The following COL16A1 variants were observed in gnomAD, a reference collection of about 807,000 sequenced individuals.
The protein encoded by COL16A1 is collagen alpha-1(XVI) chain.
In COL16A1, 189 loss-of-function variants were observed where a neutral mutation model predicts 266.3. The ratio of observed to expected loss-of-function variants is 0.71; its 90% confidence interval spans 0.63 to 0.80. COL16A1 has a LOEUF of 0.80. Ranked by LOEUF, COL16A1 falls within the 30% of genes least tolerant of loss-of-function variation. The probability of loss-of-function intolerance (pLI) is 0.00; values close to 1 mark genes in which losing one functional copy is unlikely to be tolerated. For missense variants in COL16A1, 1,928 were observed against 2,122.4 expected, an observed-to-expected ratio of 0.91 and a Z score of 1.80; for synonymous variants, 740 against 782.3, an observed-to-expected ratio of 0.95 and a Z score of 0.90.
In COL16A1 at chr1:31,664,177, AAGGGGAAGGGG is replaced by A. The variant is rs1641930313; in HGVS notation, c.3555+984_3555+994del. Among the ~76,000 whole-genome samples, 3 of 146,822 alleles carry A rather than the reference AAGGGGAAGGGG, an allele frequency of 2.0e-5. No individual in the cohort carries two copies. On this transcript the variant is annotated intron_variant, in intron 56 of 70. Coordinates refer to ENST00000373672, the MANE Select transcript of COL16A1 (RefSeq NM_001856.4). The surrounding 1 kb of genome is among the most constrained non-coding windows in gnomAD (Gnocchi z 5.5). ...GGGAAGGAAGGGGAAGGGGAAGGGG[AAGGGGAAGGGG>A]AAGGGGAAGGGGGCTAGCAACCACC...
At chr1:31,667,746 G>A (rs1400081514) in intron 51 of COL16A1, 118 bp from the exon 52 acceptor site, 4 of 1,016,524 alleles carry the variant, frequency 3.9e-6, no homozygotes, top group Non-Finnish European at 6.0e-6. Flanking sequence ...AATGGCACTG[G>A]GAGGACCGCT....
chr1:31,652,528 T>C lies in COL16A1; in HGVS notation c.*123A>G, dbSNP rs1640713019. 8.7e-7 allele frequency: 1 copy of C among 1,145,690 alleles called. No individual in the cohort carries two copies. The highest frequency in any genetic ancestry group is 1.2e-6 in the Non-Finnish European group (1 of 865,144). 71.0% of individuals were successfully genotyped at this position (1,145,690 alleles called of 1,614,324 possible). On this transcript the variant is annotated 3_prime_UTR_variant, in exon 71 of 71. Coordinates refer to ENST00000373672, the MANE Select transcript of COL16A1 (RefSeq NM_001856.4). This position sits in a 1 kb window ranked among gnomAD's most constrained non-coding sequence, Gnocchi z 4.8. ...TTTTGTTTCTTTATTATTTAAAAAA[T>C]ATTAACAGCAATTAAAAACAACAAC... is the stretch of plus-strand genomic sequence containing the variant.
At position 31,662,316 on chromosome 1, in the gene COL16A1, C is replaced by T. The variant is rs772093332; in HGVS notation, c.3681+18G>A. 10 of 1,607,050 alleles carry T rather than the reference C, an allele frequency of 6.2e-6. No individual in the cohort carries two copies. In the Admixed American group the frequency reaches 6.7e-5, roughly 11 times the overall value. ...AAGGAGAGGAAGGGGTGCCCGCCCT[C>T]CCAGCCCATCATCTCACCCTCAAGC... On this transcript the variant is annotated intron_variant, in intron 58 of 70. Transcript: ENST00000373672.
rs181187344 is a variant in COL16A1 at position 31,700,047 on chromosome 1, C to T, written c.142G>A (p.Val48Met). 532 of 1,614,110 alleles carry T rather than the reference C, an allele frequency of 3.3e-4. 3 individuals are homozygous for T. Among genetic ancestry groups the T allele is most frequent in the African/African-American group, 2.4e-4 (18 of 75,028 alleles). ...GAGATGGTTGGGTGCTCACCAGTCACGTTGGCTGGCAGGCTACTACTGTGT... is the reference window on the plus strand; with the variant it reads ...GAGATGGTTGGGTGCTCACCAGTCATGTTGGCTGGCAGGCTACTACTGTGT... ...LEHSSSLPAN[V>M]TGFNLIHRLS... Residue 48 changes from valine to methionine, a missense_variant, in exon 3 of 71, where the codon GTG becomes ATG. Physicochemically the swap from Val to Met is conservative, Grantham distance 21. This residue lies in a region of COL16A1 where 1,552 missense variants were observed against 1,637.2 expected (regional missense o/e 0.95). Transcript: ENST00000373672.
At chr1:31,702,530 T>C (rs1344118530) in intron 1 of COL16A1, among the ~76,000 whole-genome samples, 1 of 152,198 alleles carries the variant, frequency 6.6e-6, no homozygotes, top group Non-Finnish European at 1.5e-5. Context: ...AGTGGATACT[T>C]GCTGGATTGG....
chr1:31,692,432 AG>A, intron 16 of COL16A1, 41 bp downstream of exon 16: 1 of 1,591,738 alleles, frequency 6.3e-7, no homozygotes, highest in Non-Finnish European at 8.6e-7. Flanking sequence ...TAGAGCCTGC[AG>A]ACCTCCCTGG....
In COL16A1 at chr1:31,684,927, G is replaced by A. The variant is rs1643897924; in HGVS notation, c.2017-71C>T. On this transcript the variant is annotated intron_variant, in intron 29 of 70. Coordinates refer to ENST00000373672, the MANE Select transcript of COL16A1 (RefSeq NM_001856.4). ...CCCAAAGTGCCCGGCACCACATCAG[G>A]CTGGGGCATACAACAGTAAACAAAC... The A allele has an allele frequency of 2.5e-6, 4 of 1,608,358 alleles. No individual in the cohort carries two copies. In the African/African-American group the frequency reaches 5.3e-5, roughly 21 times the overall value.
intron 48 of COL16A1, among the ~76,000 whole-genome samples, chr1:31,671,205 G>A (rs1357818686): frequency 6.6e-6 from 1 of 152,190 alleles, no homozygotes; most frequent in African/African-American, 2.4e-5. Flanking sequence ...TCTTAGCCCC[G>A]AGCCCTTGTG....
chr1:31,662,314 C>T lies in COL16A1; in HGVS notation c.3681+20G>A, dbSNP rs917208681. 1.2e-6 allele frequency: 2 copies of T among 1,608,030 alleles called. No individual in the cohort carries two copies. Among genetic ancestry groups the T allele is most frequent in the Admixed American group, 1.7e-5 (1 of 59,456 alleles). The stretch of plus-strand genomic sequence containing the variant: ...AAAAGGAGAGGAAGGGGTGCCCGCC[C>T]TCCCAGCCCATCATCTCACCCTCAA... On this transcript the variant is annotated intron_variant, in intron 58 of 70. Coordinates refer to ENST00000373672, the MANE Select transcript of COL16A1 (RefSeq NM_001856.4).
intron 1 of COL16A1, among the ~76,000 whole-genome samples, chr1:31,703,359 A>C (rs1644787280): frequency 6.6e-6 from 1 of 151,928 alleles, no homozygotes; most frequent in Admixed American, 6.6e-5. Context: ...TGGAGATAGG[A>C]CTCCAGCCCC....
At chr1:31,690,135 G>A (rs1303780507) in intron 22 of COL16A1, among the ~76,000 whole-genome samples, 1 of 152,208 alleles carries the variant, frequency 6.6e-6, no homozygotes, top group Non-Finnish European at 1.5e-5. Context: ...GAAGCTAATT[G>A]ATCTGGCACA....
chr1:31,684,381 A>T (rs10914466), intron 31 of COL16A1, 142 bp downstream of exon 31: 454,735 of 1,473,538 alleles, frequency 0.31, 77,591 homozygotes, highest in Non-Finnish European at 0.35. Flanking sequence ...CTAGCAGAGG[A>T]GAAGCCCCGA....
Position 31,695,071 on chromosome 1 carries a change from G to A in COL16A1, c.981+115C>T, listed in dbSNP as rs1425615463. ...TCTGGGAGATGGGCAGGGAGCGAGT[G>A]TGAAAGTGTACAAAGACCCCCTTGT... On this transcript the variant is annotated intron_variant, in intron 11 of 70. Coordinates refer to ENST00000373672, the MANE Select transcript of COL16A1 (RefSeq NM_001856.4). 5 of 1,059,672 alleles carry A rather than the reference G, an allele frequency of 4.7e-6. No individual in the cohort carries two copies. The African/African-American group carries it at 6.3e-5, about 13-fold the overall frequency. 65.6% of individuals were successfully genotyped at this position (1,059,672 alleles called of 1,614,324 possible).
Position 31,680,913 on chromosome 1 carries a change from C to T in COL16A1, c.2602G>A (p.Gly868Arg). The change falls in exon 39 of 71, where the codon GGA (glycine) becomes AGA (arginine). Residue 868 changes from glycine (G) to arginine (R), a missense_variant. Gly to Arg is a moderately radical substitution (Grantham distance 125). Coordinates refer to ENST00000373672, the MANE Select transcript of COL16A1 (RefSeq NM_001856.4). ...RGTPGEKGPR[G>R]EKGEPGECSC... ...AGGCCCTTGGAACTCACCTTCTCTC[C>T]TCGTGGTCCTTTTTCACCCTGCAGG... The T allele has an allele frequency of 1.9e-6, 3 of 1,614,182 alleles. No individual in the cohort carries two copies. Among genetic ancestry groups the T allele is most frequent in the Non-Finnish European group, 2.5e-6 (3 of 1,180,032 alleles).
chr1:31,687,355 C>T (rs2148789283), intron 26 of COL16A1, among the ~76,000 whole-genome samples: 1 of 145,450 alleles, frequency 6.9e-6, no homozygotes, highest in Non-Finnish European at 1.5e-5. Context: ...GCACTCCAGC[C>T]TGGGCAACAG....
At chr1:31,680,860 G>A (rs374983779) in intron 39 of COL16A1, 45 bp downstream of exon 39, 1 of 1,613,830 alleles carries the variant, frequency 6.2e-7, no homozygotes. Context: ...GGCTGGAGGG[G>A]CTGCTAATCC....
chr1:31,660,743 G>A, intron 61 of COL16A1, 105 bp from the exon 62 acceptor site: 1 of 1,504,092 alleles, frequency 6.6e-7, no homozygotes, highest in Non-Finnish European at 9.0e-7. Flanking sequence ...TAATGCCAAT[G>A]GCCAAAGGAG....
At position 31,662,618 on chromosome 1, in the gene COL16A1, G is replaced by T; in HGVS notation, c.3596C>A (p.Ser1199Tyr). The T allele has an allele frequency of 6.4e-7, 1 of 1,563,842 alleles. No individual in the cohort carries two copies. Among genetic ancestry groups the T allele is most frequent in the Non-Finnish European group, 8.7e-7 (1 of 1,154,652 alleles). ...GIRGPSGLPG[S>Y]PGPPGPPGIQ... Reference sequence around the variant, plus strand: ...CCCAGGAGGTCCCGGTGGCCCAGGGGAGCCAGGCAGGCCTGATGGGCCTCG... The same window carrying T: ...CCCAGGAGGTCCCGGTGGCCCAGGGTAGCCAGGCAGGCCTGATGGGCCTCG... Residue 1199 changes from serine to tyrosine, a missense_variant, in exon 57 of 71, where the codon TCC becomes TAC. Physicochemically the swap from Ser to Tyr is moderately radical, Grantham distance 144. Coordinates refer to ENST00000373672, the MANE Select transcript of COL16A1 (RefSeq NM_001856.4).
Position 31,660,641 on chromosome 1 carries a change from G to T in COL16A1, c.3826-3C>A. On this transcript the variant is annotated splice_region_variant and splice_polypyrimidine_tract_variant and intron_variant, in intron 61 of 70. Transcript: ENST00000373672. ...GGTCCCATGGCACCAGGTTCACCCT[G>T]CAGGAGCCAGAAAAAGGAAAAAATG... 1.9e-6 allele frequency: 3 copies of T among 1,614,042 alleles called. No homozygotes were observed. The highest frequency in any genetic ancestry group is 2.5e-6 in the Non-Finnish European group (3 of 1,179,936).
Sources: allele counts gnomAD v4.1 joint callset (sites outside exome capture counted in the v4.1 genomes callset), GRCh38; gene constraint gnomAD v4.1.1; regional missense constraint gnomAD v4.1.1; non-coding constraint Gnocchi (gnomAD v3.1); transcripts MANE v1.5; gene names NCBI Gene and HGNC (gene_info 2026-07-23, HGNC 2026-07-21).